HDLBP: variants seen among roughly 807,000 people sequenced by gnomAD.
HDLBP encodes the protein vigilin.
Under a neutral mutation model 137.3 loss-of-function variants are expected in HDLBP, and 30 were observed. The ratio of observed to expected loss-of-function variants is 0.22; its 90% CI spans 0.16 to 0.30. HDLBP has a LOEUF of 0.30. HDLBP is among the 10% of genes least tolerant of loss of function. The pLI, the probability that HDLBP is intolerant of heterozygous loss-of-function variation, is 1.00. For missense variants in HDLBP, 1,119 were observed against 1,667.3 expected (o/e 0.67, Z 5.73); for synonymous variants, 606 against 596.0 (o/e 1.02, Z -0.24).
At chr2:241,284,087 C>T (rs2074715447) in intron 1 of HDLBP, among the ~76,000 whole-genome samples, 1 of 152,120 alleles carries the variant, frequency 6.6e-6, no homozygotes, top group Non-Finnish European at 1.5e-5. Flanking sequence ...TCTGGTCACC[C>T]AAGAGCTCTG....
At chr2:241,312,857 A>G (rs2075794357) in intron 1 of HDLBP, among the ~76,000 whole-genome samples, 1 of 152,246 alleles carries the variant, frequency 6.6e-6, no homozygotes, top group African/African-American at 2.4e-5. Flanking sequence ...TGGACCCGGC[A>G]CAATCATCTC....
At chr2:241,236,415 C>G (rs1439803512) in intron 21 of HDLBP, 200 bp downstream of exon 21, 2 of 606,518 alleles carry the variant, frequency 3.3e-6, no homozygotes, top group South Asian at 2.0e-5. Context: ...AACCCCGAGC[C>G]TTGGTGAAGG....
chr2:241,312,110 C>G (rs539088265), intron 1 of HDLBP, among the ~76,000 whole-genome samples: 2 of 152,296 alleles, frequency 1.3e-5, no homozygotes, highest in South Asian at 2.1e-4. Context: ...CTAGGATTAT[C>G]TGACTCTACA....
intron 5 of HDLBP, among the ~76,000 whole-genome samples, chr2:241,259,649 AT>A (rs1331095693): frequency 6.6e-6 from 1 of 152,082 alleles, no homozygotes; most frequent in African/African-American, 2.4e-5. Context: ...CGCCACCACT[AT>A]TTTTTGTAGA....
At chr2:241,241,652 C>T (rs2071249493) in intron 17 of HDLBP, among the ~76,000 whole-genome samples, 1 of 149,144 alleles carries the variant, frequency 6.7e-6, no homozygotes, top group Non-Finnish European at 1.5e-5. Flanking sequence ...TATTTAGCAG[C>T]CTCGTGAAGG....
rs1339147344 is a variant in HDLBP, at chr2:241,227,811, G to T, written c.*1790C>A. ...CAGAACTCATGCAGATGGGGAAGAGGTGACAGCCCTTCCCCACTGGCCTCC... is the reference window on the plus strand; with the variant it reads ...CAGAACTCATGCAGATGGGGAAGAGTTGACAGCCCTTCCCCACTGGCCTCC... On this transcript the variant is annotated 3_prime_UTR_variant, in exon 28 of 28. Transcript: ENST00000310931. The T allele has an allele frequency of 6.6e-6, 1 of 151,626 alleles. No individual in the cohort carries two copies. Among genetic ancestry groups the T allele is most frequent in the Non-Finnish European group, 1.5e-5 (1 of 68,044 alleles). 9.4% of individuals were successfully genotyped at this position (151,626 alleles called of 1,614,324 possible). A position where few individuals can be genotyped will look rare whatever the true frequency, so the allele number is the denominator to read the frequency against.
At chr2:241,308,389 A>T (rs1020260626) in intron 1 of HDLBP, among the ~76,000 whole-genome samples, 2 of 152,234 alleles carry the variant, frequency 1.3e-5, no homozygotes, top group African/African-American at 4.8e-5. Flanking sequence ...TGCCAAAAAT[A>T]ACATTCCTAA....
At chr2:241,249,183 G>C (rs991188830) in intron 12 of HDLBP, among the ~76,000 whole-genome samples, 1 of 152,172 alleles carries the variant, frequency 6.6e-6, no homozygotes, top group African/African-American at 2.4e-5. Flanking sequence ...GAGATTCCTC[G>C]TGTGGGTACT....
chr2:241,246,663 T>A (rs2071706189), intron 16 of HDLBP, 89 bp downstream of exon 16: 2 of 1,311,144 alleles, frequency 1.5e-6, no homozygotes, highest in Non-Finnish European at 2.1e-6. Flanking sequence ...GCTGGCCCAA[T>A]GACCCTGCGT....
Position 241,272,374 on chromosome 2 carries a change from G to T in HDLBP, c.-102-3833C>A. 1.0e-6 allele frequency: 1 copy of T among 984,796 alleles called. No homozygotes were observed. The highest frequency in any genetic ancestry group is 1.2e-6 in the Non-Finnish European group (1 of 829,686). The allele number at this position is 984,796 out of a possible 1,614,324, so 61.0% of individuals were successfully genotyped here. ...AACGTCAGCGACCTGGGCTCAGGTC[G>T]GCCGCCCCTCCGCGCCGTGCGGCCA... On this transcript the variant is annotated intron_variant, in intron 1 of 27. Coordinates refer to ENST00000310931, the MANE Select transcript of HDLBP (RefSeq NM_005336.6). This position sits in a 1 kb window ranked among gnomAD's most constrained non-coding sequence, Gnocchi z 5.6.
intron 1 of HDLBP, among the ~76,000 whole-genome samples, chr2:241,299,792 A>C (rs1376246771): frequency 1.3e-5 from 2 of 150,172 alleles, no homozygotes; most frequent in Non-Finnish European, 1.5e-5. Flanking sequence ...GCGGGCACCC[A>C]TAGTTCCAGC....
At chr2:241,270,860 C>T (rs2073988802) in intron 1 of HDLBP, 1 of 593,978 alleles carries the variant, frequency 1.7e-6, no homozygotes, top group South Asian at 7.3e-5. Flanking sequence ...GGCCTAGATA[C>T]CCAAGAACAG....
At chr2:241,266,010 T>C (rs1255303069) in intron 3 of HDLBP, among the ~76,000 whole-genome samples, 1 of 152,184 alleles carries the variant, frequency 6.6e-6, no homozygotes, top group Non-Finnish European at 1.5e-5. Context: ...TTTTAAGAAC[T>C]AATACTCAAT....
chr2:241,262,179 G>A (rs1041487840), intron 5 of HDLBP, among the ~76,000 whole-genome samples: 1 of 152,238 alleles, frequency 6.6e-6, no homozygotes, highest in Admixed American at 6.5e-5. Flanking sequence ...TCAATTTGGG[G>A]CCTGGAAATG....
intron 1 of HDLBP, among the ~76,000 whole-genome samples, chr2:241,294,359 A>G (rs2075106477): frequency 6.6e-6 from 1 of 152,234 alleles, no homozygotes; most frequent in East Asian, 1.9e-4. Context: ...GTTGTTCCCC[A>G]AAGGAAAATC....
At chr2:241,288,120 GA>G (rs1334305426) in intron 1 of HDLBP, among the ~76,000 whole-genome samples, 1 of 152,208 alleles carries the variant, frequency 6.6e-6, no homozygotes, top group South Asian at 2.1e-4. Flanking sequence ...CCTGGAGAGG[GA>G]AAAGAGGACA....
rs1171391343 is a variant in HDLBP at position 241,290,251 on chromosome 2, G to A, written c.-102-21710C>T. Among the ~76,000 whole-genome samples the A allele has an allele frequency of 2.6e-5, 4 of 152,260 alleles. No individual in the cohort carries two copies. The East Asian group carries it at 5.8e-4, about 22-fold the overall frequency. On this transcript the variant is annotated intron_variant, in intron 1 of 27. Coordinates refer to ENST00000310931, the MANE Select transcript of HDLBP (RefSeq NM_005336.6). ...GTTGGGGTAAGGAAAGAAGGGACAG[G>A]GGACAGGGATGGAAATCAAGCTCAT...
At chr2:241,244,087 A>T (rs74000621) in intron 16 of HDLBP, among the ~76,000 whole-genome samples, 6,750 of 152,244 alleles carry the variant, frequency 0.044, 520 homozygotes, top group African/African-American at 0.15. Context: ...GAAGAAAACA[A>T]CATCTAAAAT....
chr2:241,261,916 C>T (rs1025455815), intron 5 of HDLBP, among the ~76,000 whole-genome samples: 2 of 152,328 alleles, frequency 1.3e-5, no homozygotes, highest in African/African-American at 4.8e-5. Flanking sequence ...CCAGCTCCCA[C>T]AAGATCAAGG....
Sources: allele counts gnomAD v4.1 joint callset (sites outside exome capture counted in the v4.1 genomes callset), GRCh38; gene constraint gnomAD v4.1.1; non-coding constraint Gnocchi (gnomAD v3.1); transcripts MANE v1.5; gene names NCBI Gene and HGNC (gene_info 2026-07-23, HGNC 2026-07-21).